The following CCDC194 variants were observed in gnomAD, a reference collection of about 807,000 sequenced individuals.
CCDC194 encodes coiled-coil domain containing 194, also known as coiled-coil domain-containing protein 194.
Under a neutral mutation model 4.9 loss-of-function variants are expected in CCDC194, and 8 were observed. That is an observed-to-expected ratio of 1.65 (90% confidence interval 0.97 to 2.97). The LOEUF is 2.97. Ranked by LOEUF, CCDC194 falls within the 30% of genes most tolerant of loss-of-function variation. The pLI, the probability that CCDC194 is intolerant of heterozygous loss-of-function variation, is 0.00. For missense variants in CCDC194, 52 were observed against 43.1 expected, an observed-to-expected ratio of 1.21 and a Z score of -0.58; for synonymous variants, 13 against 17.0, an observed-to-expected ratio of 0.76 and a Z score of 0.58.
chr19:17,389,105 G>T (rs1186853388), downstream of CCDC194, among the ~76,000 whole-genome samples: 4 of 152,216 alleles, frequency 2.6e-5, no homozygotes, highest in African/African-American at 9.6e-5. Context: ...CTCCCAAAAT[G>T]TTGGGATTAC....
In CCDC194 at chr19:17,391,747, C is replaced by T. The variant is rs1337407902; in HGVS notation, c.421+3G>A. On this transcript the variant is annotated splice_donor_region_variant and intron_variant, in intron 2 of 3. Transcript: ENST00000636079. ...CTGCCCACTCCCTTACACCCCAACGCACCTGTCAGCGCCCCGTTCTCGGCC... is the reference window on the plus strand; with the variant it reads ...CTGCCCACTCCCTTACACCCCAACGTACCTGTCAGCGCCCCGTTCTCGGCC... The T allele has an allele frequency of 6.5e-7, 1 of 1,535,742 alleles. No individual in the cohort carries two copies. The highest frequency in any genetic ancestry group is 1.4e-5 in the African/African-American group (1 of 73,182).
chr19:17,391,745 C>T lies in CCDC194; in HGVS notation c.421+5G>A. 1 of 1,535,760 alleles carries T rather than the reference C, an allele frequency of 6.5e-7. No individual in the cohort carries two copies. Among genetic ancestry groups the T allele is most frequent in the African/African-American group, 1.4e-5 (1 of 73,186 alleles). On this transcript the variant is annotated splice_donor_5th_base_variant and intron_variant, in intron 2 of 3. Coordinates refer to ENST00000636079, the Ensembl canonical transcript of CCDC194. Reference sequence around the variant, plus strand: ...CCCTGCCCACTCCCTTACACCCCAACGCACCTGTCAGCGCCCCGTTCTCGG... The same window carrying T: ...CCCTGCCCACTCCCTTACACCCCAATGCACCTGTCAGCGCCCCGTTCTCGG...
intron 1 of CCDC194, among the ~76,000 whole-genome samples, 177 bp downstream of exon 1, chr19:17,393,658 A>G (rs2074663428): frequency 1.3e-5 from 2 of 152,218 alleles, no homozygotes; most frequent in South Asian, 4.1e-4. Flanking sequence ...GGTAGACTCC[A>G]TGGTGAGCTG....
At chr19:17,391,581 T>C in intron 2 of CCDC194, 169 bp downstream of exon 2, 1 of 1,465,536 alleles carries the variant, frequency 6.8e-7, no homozygotes, top group Non-Finnish European at 9.0e-7. Context: ...GCCTTGTTTT[T>C]GTGACATTTG....
chr19:17,390,340 G>A (rs879870900), downstream of CCDC194, among the ~76,000 whole-genome samples: 3 of 152,168 alleles, frequency 2.0e-5, no homozygotes, highest in Non-Finnish European at 2.9e-5. This position sits in a 1 kb window ranked among gnomAD's most constrained non-coding sequence, Gnocchi z 5.5. Context: ...TTTACATGGT[G>A]GGGGAGAGAG....
At position 17,391,232 on chromosome 19, in the gene CCDC194, TC is replaced by T; in HGVS notation, c.532del (p.Glu178ArgfsTer15). On this transcript the variant is annotated frameshift_variant, in exon 3 of 4. Transcript: ENST00000636079. LOFTEE classifies it low-confidence loss of function (END_TRUNC). ...TCACAGGCGTTCGCGCAGCGCCGCC[TC>T]CCGGGCCGCACAGGCTTCGCCCTCG... 5.0e-6 allele frequency: 2 copies of T among 401,156 alleles called. No homozygotes were observed. The highest frequency in any genetic ancestry group is 8.8e-6 in the Non-Finnish European group (2 of 228,060). 24.8% of individuals were successfully genotyped at this position (401,156 alleles called of 1,614,324 possible). A position where few individuals can be genotyped will look rare whatever the true frequency, so the allele number is the denominator to read the frequency against.
At chr19:17,387,789 A>G (rs2074641015), downstream of CCDC194, among the ~76,000 whole-genome samples, 1 of 152,176 alleles carries the variant, frequency 6.6e-6, no homozygotes, top group African/African-American at 2.4e-5. Flanking sequence ...ACATTAACAT[A>G]TCTTAGAGAA....
At chr19:17,391,538 G>A (rs1214858796) in intron 2 of CCDC194, 195 bp from the exon 3 acceptor site, 5 of 1,214,626 alleles carry the variant, frequency 4.1e-6, no homozygotes, top group Non-Finnish European at 5.6e-6. Flanking sequence ...TTCGTGAGTC[G>A]TTTACAAGGA....
chr19:17,388,841 A>G (rs1211315123), downstream of CCDC194, among the ~76,000 whole-genome samples: 1 of 151,270 alleles, frequency 6.6e-6, no homozygotes, highest in Non-Finnish European at 1.5e-5. Context: ...TTAATTTTTC[A>G]TGTTTAATTT....
downstream of CCDC194, among the ~76,000 whole-genome samples, chr19:17,388,266 C>T (rs1293519648): frequency 1.4e-5 from 2 of 143,210 alleles, no homozygotes; most frequent in Admixed American, 7.1e-5. Flanking sequence ...GTGGCATGAT[C>T]ATGGCTCACT....
At position 17,390,664 on chromosome 19, in the gene CCDC194, CGGGAAGG is replaced by C. The variant is rs2074650847; in HGVS notation, c.555-12_555-6del. ...ATCTCGGCTTCCAGGACGTTACTGC[CGGGAAGG>C]GGGAAGGGGGCTGTCAGCCTCTGGA... On this transcript the variant is annotated splice_region_variant and splice_polypyrimidine_tract_variant and intron_variant, in intron 3 of 3. Transcript: ENST00000636079. This position sits in a 1 kb window ranked among gnomAD's most constrained non-coding sequence, Gnocchi z 5.5. The C allele has an allele frequency of 2.5e-6, 1 of 397,880 alleles. No individual in the cohort carries two copies. The highest frequency in any genetic ancestry group is 4.4e-6 in the Non-Finnish European group (1 of 225,664). The allele number at this position is 397,880 out of a possible 1,614,324, so 24.6% of individuals were successfully genotyped here.
intron 2 of CCDC194, 140 bp from the exon 3 acceptor site, chr19:17,391,483 G>C (rs2074654596): frequency 4.4e-6 from 3 of 682,486 alleles, no homozygotes; most frequent in Non-Finnish European, 7.3e-6. Flanking sequence ...CCATTGCATG[G>C]CTTCCACGTG....
At chr19:17,394,079 G>T in exon 1 of CCDC194, 1 of 390,746 alleles carries the variant, frequency 2.6e-6, no homozygotes, top group South Asian at 1.3e-4. Flanking sequence ...GCCGGCTGCT[G>T]CCGCAGCCAG....
At chr19:17,391,888 AG>A in intron 1 of CCDC194, 42 bp from the exon 2 acceptor site, 3 of 1,455,264 alleles carry the variant, frequency 2.1e-6, no homozygotes, top group Non-Finnish European at 9.0e-7. Flanking sequence ...TAGGCAGAGG[AG>A]AGGAGGAGTG....
At chr19:17,391,769 G>A in exon 2 of CCDC194, 1 of 1,535,612 alleles carries the variant, frequency 6.5e-7, no homozygotes, top group Non-Finnish European at 8.7e-7. Context: ...CCCCGTTCTC[G>A]GCCCCCATCT....
rs1208298809 is a variant in CCDC194, at chr19:17,390,906, T to C, written c.555-247A>G. Among the ~76,000 whole-genome samples, 1 of 151,826 alleles carries C rather than the reference T, an allele frequency of 6.6e-6. No homozygotes were observed. The highest frequency in any genetic ancestry group is 1.9e-4 in the East Asian group (1 of 5,162). ...CCCCTACCACCAGCCTCTCCCTCGA[T>C]ACTCCCTTTTCCTTGCTCCCTTCTC... On this transcript the variant is annotated intron_variant, in intron 3 of 3. Coordinates refer to ENST00000636079, the Ensembl canonical transcript of CCDC194. This position sits in a 1 kb window ranked among gnomAD's most constrained non-coding sequence, Gnocchi z 5.5.
intron 1 of CCDC194, among the ~76,000 whole-genome samples, chr19:17,392,864 T>C (rs1394182873): frequency 1.3e-5 from 2 of 152,180 alleles, no homozygotes; most frequent in Non-Finnish European, 2.9e-5. Flanking sequence ...GTATTTTTAG[T>C]AGAGACGGGT....
chr19:17,392,087 C>G, intron 1 of CCDC194: 1 of 409,178 alleles, frequency 2.4e-6, no homozygotes, highest in Non-Finnish European at 4.4e-6. Context: ...GCCACCAACC[C>G]TAAGCCACCA....
chr19:17,391,720 C>A (rs760739050), intron 2 of CCDC194, 30 bp downstream of exon 2: 2 of 1,535,734 alleles, frequency 1.3e-6, no homozygotes, highest in Non-Finnish European at 1.7e-6. Flanking sequence ...CCACTTCTAT[C>A]CCTGCCCACT....
Sources: allele counts gnomAD v4.1 joint callset (sites outside exome capture counted in the v4.1 genomes callset), GRCh38; gene constraint gnomAD v4.1.1; non-coding constraint Gnocchi (gnomAD v3.1); transcripts MANE v1.5; gene names NCBI Gene and HGNC (gene_info 2026-07-23, HGNC 2026-07-21).